The following HLCS variants were observed in gnomAD, a reference collection of about 807,000 sequenced individuals.
HLCS encodes holocarboxylase synthetase, also known as biotin--protein ligase.
In HLCS, 53 loss-of-function variants were observed where a neutral mutation model predicts 75.0. That is an observed-to-expected ratio of 0.71 (90% confidence interval 0.57 to 0.89). The LOEUF (loss-of-function observed/expected upper bound fraction) is 0.89. Ranked by LOEUF, HLCS falls within the 40% of genes least tolerant of loss-of-function variation. HLCS has a pLI of 0.00. For synonymous variants in HLCS, 431 were observed against 428.6 expected (o/e 1.01, Z -0.07); for missense variants, 966 against 1,074.0 (o/e 0.90, Z 1.41).
At chr21:36,891,625 G>A (rs950318265) in intron 6 of HLCS, among the ~76,000 whole-genome samples, 4 of 152,206 alleles carry the variant, frequency 2.6e-5, no homozygotes, top group Non-Finnish European at 4.4e-5. Flanking sequence ...TAGACCTGGT[G>A]TCTGTTAGAA....
At chr21:36,978,951 G>C (rs2016215) in intron 1 of HLCS, among the ~76,000 whole-genome samples, 1 of 151,656 alleles carries the variant, frequency 6.6e-6, no homozygotes, top group Non-Finnish European at 1.5e-5. Flanking sequence ...CCGTACTCAG[G>C]GAAAACCAAT....
chr21:36,782,910 G>C (rs1308454754), intron 6 of HLCS, among the ~76,000 whole-genome samples: 1 of 151,902 alleles, frequency 6.6e-6, no homozygotes, highest in Non-Finnish European at 1.5e-5. Context: ...CTTGAACTTG[G>C]GAGGCAGAGA....
rs547833690 is a variant in HLCS at position 36,856,549 on chromosome 21, G to A, written c.1892+40311C>T. On this transcript the variant is annotated intron_variant, in intron 6 of 10. Coordinates refer to ENST00000674895, the MANE Select transcript of HLCS (RefSeq NM_001352514.2). ...AAAGACATAAATAACACACACCACC[G>A]CCAATAGTAGTCCTTTGAAACCCTC... is the stretch of plus-strand genomic sequence containing the variant. Among the ~76,000 whole-genome samples the A allele has an allele frequency of 2.0e-4, 31 of 152,004 alleles. No individual in the cohort carries two copies. In the South Asian group the frequency reaches 2.1e-3, roughly 10 times the overall value.
intron 3 of HLCS, among the ~76,000 whole-genome samples, chr21:36,937,636 G>A (rs1328173001): frequency 1.3e-5 from 2 of 152,154 alleles, no homozygotes; most frequent in African/African-American, 4.8e-5. Context: ...ATACCTATTG[G>A]AGAACCTAAG....
At chr21:36,953,562 T>A (rs1312664720) in intron 2 of HLCS, among the ~76,000 whole-genome samples, 1 of 152,198 alleles carries the variant, frequency 6.6e-6, no homozygotes. Context: ...TTAGCCTGTA[T>A]CCTACATAAT....
intron 6 of HLCS, among the ~76,000 whole-genome samples, chr21:36,892,822 T>G (rs556052800): frequency 2.6e-5 from 4 of 152,222 alleles, no homozygotes; most frequent in Non-Finnish European, 4.4e-5. Context: ...TAAATTTCAC[T>G]CCTACTTCAG....
intron 6 of HLCS, among the ~76,000 whole-genome samples, chr21:36,889,632 G>A (rs1173562865): frequency 6.6e-6 from 1 of 152,124 alleles, no homozygotes; most frequent in African/African-American, 2.4e-5. Context: ...CACTTCCCTA[G>A]ACCCCATCAC....
At chr21:36,970,737 A>T (rs1233630938), upstream of HLCS, among the ~76,000 whole-genome samples, 1 of 152,060 alleles carries the variant, frequency 6.6e-6, no homozygotes, top group Non-Finnish European at 1.5e-5. Context: ...TCACGCCTAT[A>T]ATCCCAGCAC....
chr21:36,989,886 GC>G (rs2069313109), intron 1 of HLCS, among the ~76,000 whole-genome samples: 2 of 152,036 alleles, frequency 1.3e-5, no homozygotes, highest in Non-Finnish European at 2.9e-5. Context: ...GGCCGAGCCA[GC>G]CCGGGTCCCG....
intron 9 of HLCS, chr21:36,756,998 G>A: frequency 1.0e-6 from 1 of 971,586 alleles, no homozygotes; most frequent in Non-Finnish European, 1.2e-6. Context: ...TAAAAAGGTG[G>A]GAAAAAAGAA....
chr21:36,987,575 T>A (rs920545095), intron 1 of HLCS, among the ~76,000 whole-genome samples: 1 of 152,176 alleles, frequency 6.6e-6, no homozygotes, highest in Admixed American at 6.5e-5. Flanking sequence ...ATCACACCAC[T>A]GCACTCCAGC....
chr21:36,809,022 T>C (rs1345083096), intron 6 of HLCS, among the ~76,000 whole-genome samples: 1 of 152,110 alleles, frequency 6.6e-6, no homozygotes, highest in African/African-American at 2.4e-5. Context: ...AAGACTAGCT[T>C]GGACCACATG....
intron 6 of HLCS, among the ~76,000 whole-genome samples, chr21:36,876,522 T>C (rs1569133902): frequency 6.6e-6 from 1 of 152,204 alleles, no homozygotes. Context: ...ATGGACTATT[T>C]AGATGTGTGC....
At chr21:36,916,518 ATTTTTTT>A (rs57613865) in intron 5 of HLCS, among the ~76,000 whole-genome samples, 15 of 93,014 alleles carry the variant, frequency 1.6e-4, no homozygotes, top group Non-Finnish European at 3.6e-4. Context: ...TGCCTAGCTA[ATTTTTTT>A]TTTTTTTTTT....
intron 1 of HLCS, among the ~76,000 whole-genome samples, chr21:36,986,245 C>T (rs1038626612): frequency 2.6e-5 from 4 of 152,192 alleles, no homozygotes; most frequent in African/African-American, 9.7e-5. Context: ...CCAGATGTGG[C>T]TCCTCAATCT....
In HLCS at chr21:36,754,240, C is replaced by T; in HGVS notation, c.*6G>A. The T allele has an allele frequency of 6.2e-7, 1 of 1,611,008 alleles. No homozygotes were observed. Among genetic ancestry groups the T allele is most frequent in the East Asian group, 2.2e-5 (1 of 44,864 alleles). On this transcript the variant is annotated 3_prime_UTR_variant, in exon 11 of 11. Transcript: ENST00000674895. The stretch of plus-strand genomic sequence containing the variant: ...ACAGGCAGCCGCGTCTCGGGGACGC[C>T]CGGCATTACCGCCGTTTGGGGAGGA...
intron 4 of HLCS, among the ~76,000 whole-genome samples, chr21:36,934,960 T>C (rs1471265859): frequency 6.6e-6 from 1 of 152,238 alleles, no homozygotes; most frequent in Non-Finnish European, 1.5e-5. Context: ...ATTGCCTTTT[T>C]TTTCTAGGGC....
intron 9 of HLCS, chr21:36,757,079 T>A: frequency 2.7e-6 from 1 of 373,742 alleles, no homozygotes; most frequent in Non-Finnish European, 3.7e-6. Flanking sequence ...GTGTTGCCTC[T>A]GAAATAAGTG....
At chr21:36,782,812 TACTACTAA>T (rs1352383659) in intron 6 of HLCS, among the ~76,000 whole-genome samples, 1 of 98,848 alleles carries the variant, frequency 1.0e-5, no homozygotes, top group Non-Finnish European at 2.8e-5. Flanking sequence ...CTACTAAAAA[TACTACTAA>T]AATACTACTA....
Sources: gnomAD v4.1 joint callset for allele counts (sites outside exome capture counted in the v4.1 genomes callset) on GRCh38, gnomAD v4.1.1 for gene constraint, MANE v1.5 for transcripts, NCBI Gene and HGNC (gene_info 2026-07-23, HGNC 2026-07-21) for gene names.